CSRNP3: variants seen among roughly 807,000 people sequenced by gnomAD.
CSRNP3 encodes cysteine/serine-rich nuclear protein 3.
In CSRNP3, 12 loss-of-function variants were observed where a neutral mutation model predicts 48.0. The ratio of observed to expected loss-of-function variants is 0.25; its 90% confidence interval spans 0.16 to 0.41. The LOEUF is 0.41. Ranked by LOEUF, CSRNP3 falls within the 10% of genes least tolerant of loss-of-function variation. CSRNP3 has a pLI of 1.00. For missense variants in CSRNP3, 580 were observed against 724.4 expected, an observed-to-expected ratio of 0.80 and a Z score of 2.29; for synonymous variants, 263 against 269.7, an observed-to-expected ratio of 0.98 and a Z score of 0.24.
intron 5 of CSRNP3, among the ~76,000 whole-genome samples, chr2:165,665,980 GAAAGAGAGA>G: frequency 1.8e-5 from 1 of 55,034 alleles, no homozygotes; most frequent in African/African-American, 6.4e-5. Flanking sequence ...GGGGAAGAAA[GAAAGAGAGA>G]AAGGAAGGAA....
At chr2:165,520,077 A>G (rs1684631260) in intron 3 of CSRNP3, among the ~76,000 whole-genome samples, 1 of 152,182 alleles carries the variant, frequency 6.6e-6, no homozygotes, top group South Asian at 2.1e-4. Context: ...AAAAGATATT[A>G]TTTTTTAGAA....
At chr2:165,476,506 A>G (rs368015279) in intron 1 of CSRNP3, among the ~76,000 whole-genome samples, 8 of 152,378 alleles carry the variant, frequency 5.3e-5, no homozygotes, top group African/African-American at 1.9e-4. Context: ...GTTCATTTAC[A>G]TGGAGCTATA....
intron 2 of CSRNP3, among the ~76,000 whole-genome samples, chr2:165,512,095 A>C (rs752502089): frequency 2.7e-4 from 41 of 152,160 alleles, no homozygotes; most frequent in Non-Finnish European, 1.3e-4. Context: ...AGGTCAAGAA[A>C]ATTTTTTATT....
At chr2:165,660,000 G>A (rs1277375208) in intron 5 of CSRNP3, among the ~76,000 whole-genome samples, 1 of 152,080 alleles carries the variant, frequency 6.6e-6, no homozygotes, top group Non-Finnish European at 1.5e-5. Context: ...TGAAAGTCTC[G>A]GGTCTCATTA....
chr2:165,676,345 G>A lies in CSRNP3; in HGVS notation c.442G>A (p.Ala148Thr), dbSNP rs1687424346. The change falls in exon 6 of 7, where the codon GCC (alanine) becomes ACC (threonine). Residue 148 changes from alanine (A) to threonine (T), a missense_variant. Ala to Thr is a moderately conservative substitution (Grantham distance 58). Coordinates refer to ENST00000651982, the MANE Select transcript of CSRNP3 (RefSeq NM_001172173.2). ...GAATGGCACAGTAGAATCAGAAGAA[G>A]CCAGCACTCTTACACTGGATGACAT... ...TKNGTVESEE[A>T]STLTLDDISD... 1 of 1,613,982 alleles carries A rather than the reference G, an allele frequency of 6.2e-7. No homozygotes were observed. Among genetic ancestry groups the A allele is most frequent in the Non-Finnish European group, 8.5e-7 (1 of 1,179,974 alleles).
chr2:165,687,463 TA>T lies in CSRNP3; in HGVS notation c.*7711del, dbSNP rs1687648172. On this transcript the variant is annotated 3_prime_UTR_variant, in exon 7 of 7. Transcript: ENST00000651982. ...GTTCCATTTTCTAAGAAGTTACAAT[TA>T]CAAAAAGTAAGCATTTTCTACATTC... 1 of 152,120 alleles carries T rather than the reference TA, an allele frequency of 6.6e-6. No homozygotes were observed. The highest frequency in any genetic ancestry group is 2.4e-5 in the African/African-American group (1 of 41,446). The allele number at this position is 152,120 out of a possible 1,614,324, so 9.4% of individuals were successfully genotyped here. A position where few individuals can be genotyped will look rare whatever the true frequency, so the allele number is the denominator to read the frequency against.
At chr2:165,484,495 A>T (rs1399681313) in intron 1 of CSRNP3, among the ~76,000 whole-genome samples, 1 of 152,200 alleles carries the variant, frequency 6.6e-6, no homozygotes, top group Non-Finnish European at 1.5e-5. Flanking sequence ...ACAATTTTTC[A>T]GTGCTAGAAA....
chr2:165,670,924 A>G (rs1451688029), intron 5 of CSRNP3, among the ~76,000 whole-genome samples: 2 of 152,222 alleles, frequency 1.3e-5, no homozygotes, highest in African/African-American at 4.8e-5. Context: ...AGAAAACACT[A>G]CAGGAGAAAT....
chr2:165,510,874 T>TA (rs1343557709), intron 2 of CSRNP3, among the ~76,000 whole-genome samples: 2 of 152,244 alleles, frequency 1.3e-5, no homozygotes, highest in South Asian at 2.1e-4. Context: ...TGGTGCTACT[T>TA]AAAGACATGG....
intron 4 of CSRNP3, among the ~76,000 whole-genome samples, chr2:165,599,335 GA>G (rs749243535): frequency 1.6e-4 from 23 of 142,300 alleles, no homozygotes; most frequent in African/African-American, 4.7e-4. Context: ...GAAAGGAAAA[GA>G]AAAAAAGAAA....
At chr2:165,576,142 TAC>T (rs918457699) in intron 3 of CSRNP3, among the ~76,000 whole-genome samples, 6 of 150,758 alleles carry the variant, frequency 4.0e-5, no homozygotes, top group Admixed American at 2.0e-4. Flanking sequence ...AATATATATA[TAC>T]ACACACATAT....
chr2:165,504,660 A>T (rs999910999), intron 2 of CSRNP3, among the ~76,000 whole-genome samples: 1 of 152,070 alleles, frequency 6.6e-6, no homozygotes, highest in Non-Finnish European at 1.5e-5. Context: ...TGACGGTACC[A>T]CTGGAAGTGC....
chr2:165,578,774 A>C lies in CSRNP3; in HGVS notation c.-23-16269A>C, dbSNP rs142416623. ...ATAGAAAAAGCTTTTATTGTGTTGT[A>C]TATTATATGTGATTTCAAGCTATAT... On this transcript the variant is annotated intron_variant, in intron 3 of 6. Transcript: ENST00000651982. 1.1e-3 allele frequency among the ~76,000 whole-genome samples: 161 copies of C among 152,226 alleles called. 1 individual carries two copies. The highest frequency in any genetic ancestry group is 3.7e-3 in the African/African-American group (155 of 41,568).
chr2:165,519,395 G>A (rs947882605), intron 3 of CSRNP3, among the ~76,000 whole-genome samples: 2 of 152,116 alleles, frequency 1.3e-5, no homozygotes, highest in Admixed American at 6.5e-5. Context: ...AAATCCATAA[G>A]GGATCATATG....
chr2:165,686,760 AC>A lies in CSRNP3; in HGVS notation c.*7010del, dbSNP rs1417626643. On this transcript the variant is annotated 3_prime_UTR_variant, in exon 7 of 7. Coordinates refer to ENST00000651982, the MANE Select transcript of CSRNP3 (RefSeq NM_001172173.2). The stretch of plus-strand genomic sequence containing the variant: ...CCCACTGCCATGGGTTACCATCTGA[AC>A]CCTGATTCATTAGGCACTAGTCATG... 6 of 152,218 alleles carry A rather than the reference AC, an allele frequency of 3.9e-5. No individual in the cohort carries two copies. In the East Asian group the frequency reaches 1.2e-3, roughly 29 times the overall value. 9.4% of individuals were successfully genotyped at this position (152,218 alleles called of 1,614,324 possible). A position where few individuals can be genotyped will look rare whatever the true frequency, so the allele number is the denominator to read the frequency against.
chr2:165,679,466 T>C lies in CSRNP3; in HGVS notation c.1471T>C (p.Ser491Pro), dbSNP rs756788003. Reference sequence around the variant, plus strand: ...ACAAGCAGAAGAGGCCTATGGTGCCTCCCACTACCCAGCTGCCAACCCCTC... The same window carrying C: ...ACAAGCAGAAGAGGCCTATGGTGCCCCCCACTACCCAGCTGCCAACCCCTC... Reference protein sequence around the residue: ...ARQAEEAYGASHYPAANPSVI... With the variant: ...ARQAEEAYGAPHYPAANPSVI... The change falls in exon 7 of 7, where the codon TCC (serine) becomes CCC (proline). Residue 491 changes from serine to proline, a missense_variant. Transcript: ENST00000651982. The C allele has an allele frequency of 5.0e-6, 8 of 1,613,212 alleles. No homozygotes were observed. In the South Asian group the frequency reaches 8.8e-5, roughly 18 times the overall value.
intron 3 of CSRNP3, among the ~76,000 whole-genome samples, chr2:165,587,359 A>G (rs571551596): frequency 6.6e-6 from 1 of 152,352 alleles, no homozygotes; most frequent in African/African-American, 2.4e-5. Flanking sequence ...TAAATTGGTG[A>G]CAGATGAGGA....
chr2:165,502,038 T>C (rs1684365596), intron 2 of CSRNP3, among the ~76,000 whole-genome samples: 1 of 152,122 alleles, frequency 6.6e-6, no homozygotes, highest in South Asian at 2.1e-4. Flanking sequence ...TTTGTTTCTT[T>C]AAAAAGCTGA....
chr2:165,610,775 C>G (rs1236255236), intron 4 of CSRNP3, among the ~76,000 whole-genome samples: 1 of 152,184 alleles, frequency 6.6e-6, no homozygotes, highest in Non-Finnish European at 1.5e-5. Flanking sequence ...TTGACCGCAT[C>G]AGGCTTTAAA....
Sources: allele counts gnomAD v4.1 joint callset (sites outside exome capture counted in the v4.1 genomes callset), GRCh38; gene constraint gnomAD v4.1.1; transcripts MANE v1.5; gene names NCBI Gene and HGNC (gene_info 2026-07-23, HGNC 2026-07-21).